The following GSTM5 variants were observed in gnomAD, a reference collection of about 807,000 sequenced individuals.
GSTM5 encodes the protein GST class-mu 5.
Under a neutral mutation model 29.0 loss-of-function variants are expected in GSTM5, and 24 were observed. That is an observed-to-expected ratio of 0.83 (90% CI 0.60 to 1.16). The LOEUF (loss-of-function observed/expected upper bound fraction) is 1.16. Among genes scored for constraint, GSTM5 ranks in the 50% most tolerant of loss-of-function variants. GSTM5 has a pLI of 0.00. For synonymous variants in GSTM5, 91 were observed against 93.6 expected (o/e 0.97, Z 0.16); for missense variants, 290 against 263.0 (o/e 1.10, Z -0.71).
chr1:109,716,098 T>C, intron 7 of GSTM5: 1 of 357,340 alleles, frequency 2.8e-6, no homozygotes, highest in East Asian at 8.5e-5. Flanking sequence ...GAGGTGTGTG[T>C]GGCACCACCT....
rs1323441943 is a variant in GSTM5 at position 109,715,126 on chromosome 1, T to G, written c.457-4T>G. On this transcript the variant is annotated splice_polypyrimidine_tract_variant and splice_region_variant and intron_variant, in intron 6 of 7. Coordinates refer to ENST00000256593, the MANE Select transcript of GSTM5 (RefSeq NM_000851.4). ...TCAGCCCACACATTCTTGGCCTTCT[T>G]CAGATCACCTTTGTGGATTTCCTTG... 2 of 1,614,254 alleles carry G rather than the reference T, an allele frequency of 1.2e-6. No individual in the cohort carries two copies. Among genetic ancestry groups the G allele is most frequent in the Non-Finnish European group, 1.7e-6 (2 of 1,180,034 alleles).
At position 109,712,395 on chromosome 1, in the gene GSTM5, A is replaced by T. The variant is rs1415780715; in HGVS notation, c.36+47A>T. ...GGTGGGACAGGGGGCGGAGGCGGGG[A>T]TGTGTGGAGTAGCTGCAGGACTGGC... On this transcript the variant is annotated intron_variant, in intron 1 of 7. Coordinates refer to ENST00000256593, the MANE Select transcript of GSTM5 (RefSeq NM_000851.4). 7.4e-6 allele frequency: 11 copies of T among 1,480,552 alleles called. No homozygotes were observed. In the African/African-American group the frequency reaches 1.3e-4, roughly 18 times the overall value. The allele number at this position is 1,480,552 out of a possible 1,614,324, so 91.7% of individuals were successfully genotyped here.
chr1:109,716,445 G>A (rs1267489536), intron 7 of GSTM5: 2 of 154,878 alleles, frequency 1.3e-5, no homozygotes, highest in African/African-American at 4.8e-5. Flanking sequence ...AGGGAGCCCT[G>A]GATCTCTTTG....
intron 7 of GSTM5, 187 bp downstream of exon 7, chr1:109,715,427 G>T (rs1479665625): frequency 1.3e-6 from 2 of 1,546,970 alleles, no homozygotes; most frequent in Non-Finnish European, 1.7e-6. Flanking sequence ...TTCCTACAGG[G>T]TGACAGAATT....
At chr1:109,715,728 C>A in intron 7 of GSTM5, 1 of 431,090 alleles carries the variant, frequency 2.3e-6, no homozygotes, top group Non-Finnish European at 4.2e-6. Context: ...AACCTGCAGG[C>A]AGTATTCATA....
chr1:109,713,659 A>G lies in GSTM5; in HGVS notation c.260-2A>G, dbSNP rs1282402762. On this transcript the variant is annotated splice_acceptor_variant, in intron 4 of 7. Transcript: ENST00000256593. LOFTEE classifies it high-confidence loss of function. ...ATTGAGTCTGTGTTTTGTGGGTGGC[A>G]GGTGGGGAGACAGAAGAGGAGAAGA... 6.2e-7 allele frequency: 1 copy of G among 1,614,178 alleles called. No homozygotes were observed. The highest frequency in any genetic ancestry group is 8.5e-7 in the Non-Finnish European group (1 of 1,180,020).
At chr1:109,717,253 C>A in intron 7 of GSTM5, 84 bp from the exon 8 acceptor site, 1 of 1,004,764 alleles carries the variant, frequency 1.0e-6, no homozygotes, top group Non-Finnish European at 1.6e-6. Context: ...GTGGCCAGGG[C>A]CCTGACCTGC....
At chr1:109,715,530 C>T (rs2101321203) in intron 7 of GSTM5, 2 of 1,437,750 alleles carry the variant, frequency 1.4e-6, no homozygotes, top group Non-Finnish European at 1.8e-6. Context: ...GCTGGGCTCC[C>T]TGTGAGCCTC....
upstream of GSTM5, chr1:109,712,209 G>A (rs565912665): frequency 1.3e-4 from 164 of 1,264,492 alleles, 1 homozygote; most frequent in African/African-American, 1.6e-3. Flanking sequence ...GGCGGGCCGA[G>A]GGGCGGGGTC....
rs1248224086 is a variant in GSTM5 at position 109,715,049 on chromosome 1, G to A, written c.456+7G>A. ...ATGGTTTGCAGGAGACAAGGTAAAG[G>A]AGGAGTGATATGGGGAATGAGATCT... On this transcript the variant is annotated splice_region_variant and intron_variant, in intron 6 of 7. Coordinates refer to ENST00000256593, the MANE Select transcript of GSTM5 (RefSeq NM_000851.4). 1 of 1,614,098 alleles carries A rather than the reference G, an allele frequency of 6.2e-7. No homozygotes were observed. The highest frequency in any genetic ancestry group is 8.5e-7 in the Non-Finnish European group (1 of 1,180,022).
Position 109,714,933 on chromosome 1 carries a change from G to C in GSTM5, c.361-14G>C. On this transcript the variant is annotated splice_polypyrimidine_tract_variant and intron_variant, in intron 5 of 7. Transcript: ENST00000256593. ...CTTTTGTCTGAGGGTGGTGACAGCT[G>C]TTTTCTGCCTCAGGAGAAACTGAAG... is the stretch of plus-strand genomic sequence containing the variant. The C allele has an allele frequency of 1.2e-6, 2 of 1,614,134 alleles. No individual in the cohort carries two copies. Among genetic ancestry groups the C allele is most frequent in the Non-Finnish European group, 1.7e-6 (2 of 1,179,940 alleles).
chr1:109,713,439 A>G lies in GSTM5; in HGVS notation c.178-45A>G, dbSNP rs544006329. 15 of 1,613,100 alleles carry G rather than the reference A, an allele frequency of 9.3e-6. No homozygotes were observed. In the African/African-American group the frequency reaches 2.0e-4, roughly 22 times the overall value. ...TGCATATGGGAAGGGGATGCTGGGG[A>G]GCCTGGTGGCCCAACTGAGCTTCCC... On this transcript the variant is annotated intron_variant, in intron 3 of 7. Coordinates refer to ENST00000256593, the MANE Select transcript of GSTM5 (RefSeq NM_000851.4).
Position 109,715,987 on chromosome 1 carries a change from C to G in GSTM5, c.567+747C>G. The G allele has an allele frequency of 1.7e-5, 15 of 897,538 alleles. 1 individual carries two copies. In the South Asian group the frequency reaches 2.0e-4, roughly 12 times the overall value. The allele number at this position is 897,538 out of a possible 1,614,324, so 55.6% of individuals were successfully genotyped here. ...TTTACTCCTATTCACCGACCTTCTC[C>G]TCTGCATGAGGCAGGGTGTGAGGCA... On this transcript the variant is annotated intron_variant, in intron 7 of 7. Transcript: ENST00000256593.
chr1:109,716,984 A>C (rs1300276105), intron 7 of GSTM5: 14 of 173,704 alleles, frequency 8.1e-5, no homozygotes, highest in Non-Finnish European at 1.5e-4. Flanking sequence ...AGTGTGAGGA[A>C]GTTGCTGAAC....
At chr1:109,714,866 G>T in intron 5 of GSTM5, 81 bp from the exon 6 acceptor site, 1 of 1,365,662 alleles carries the variant, frequency 7.3e-7, no homozygotes, top group Non-Finnish European at 1.0e-6. Flanking sequence ...TGGCCAGCCT[G>T]GGCCATCTAC....
At chr1:109,712,529 G>A (rs1231984743) in intron 1 of GSTM5, 89 bp from the exon 2 acceptor site, 5 of 1,489,842 alleles carry the variant, frequency 3.4e-6, no homozygotes, top group African/African-American at 1.4e-5. Flanking sequence ...GGTACGTGCA[G>A]TATAGACTAG....
chr1:109,715,322 A>G (rs770985736), intron 7 of GSTM5, 82 bp downstream of exon 7: 1 of 1,613,594 alleles, frequency 6.2e-7, no homozygotes, highest in East Asian at 2.2e-5. Flanking sequence ...CTGGAGCTAC[A>G]CAAAGAATAA....
chr1:109,712,787 C>T (rs1192398938), intron 2 of GSTM5, 94 bp downstream of exon 2: 1 of 1,377,456 alleles, frequency 7.3e-7, no homozygotes, highest in Non-Finnish European at 1.0e-6. Flanking sequence ...CTGCAGGCCT[C>T]CCCTGCTGGA....
At position 109,712,890 on chromosome 1, in the gene GSTM5, A is replaced by G. The variant is rs560354194; in HGVS notation, c.112+197A>G. ...GGCGGGATGCTGGACACCCTGTCTA[A>G]TTGGGTTGGGTGTCCCTCAGAGCTT... On this transcript the variant is annotated intron_variant, in intron 2 of 7. Transcript: ENST00000256593. 4.3e-4 allele frequency: 366 copies of G among 848,572 alleles called. 1 individual carries two copies. Among genetic ancestry groups the G allele is most frequent in the South Asian group, 4.4e-4 (30 of 68,272 alleles). 52.6% of individuals were successfully genotyped at this position (848,572 alleles called of 1,614,324 possible).
Sources: allele counts gnomAD v4.1 joint callset, GRCh38; gene constraint gnomAD v4.1.1; transcripts MANE v1.5; gene names NCBI Gene and HGNC (gene_info 2026-07-23, HGNC 2026-07-21).